The following PI4K2B variants were observed in gnomAD, a reference collection of about 807,000 sequenced individuals.
PI4K2B encodes the protein phosphatidylinositol 4-kinase type 2 beta, also known as phosphatidylinositol 4-kinase type 2-beta.
Under a neutral mutation model 56.6 loss-of-function variants are expected in PI4K2B, and 46 were observed. That is an observed-to-expected ratio of 0.81 (90% confidence interval 0.64 to 1.04). The LOEUF is 1.04. Among genes scored for constraint, PI4K2B ranks in the 50% least tolerant of loss-of-function variants. The pLI is 0.00. For synonymous variants in PI4K2B, 211 were observed against 223.8 expected, an observed-to-expected ratio of 0.94 and a Z score of 0.51; for missense variants, 556 against 607.7, an observed-to-expected ratio of 0.91 and a Z score of 0.89.
chr4:25,263,425 A>C (rs1716550727), intron 6 of PI4K2B, among the ~76,000 whole-genome samples: 2 of 152,294 alleles, frequency 1.3e-5, no homozygotes, highest in Non-Finnish European at 2.9e-5. Context: ...CATACATTTA[A>C]GCAATGAATC....
intron 1 of PI4K2B, among the ~76,000 whole-genome samples, chr4:25,240,915 CTCTG>C (rs1177062891): frequency 6.6e-6 from 1 of 152,164 alleles, no homozygotes; most frequent in Non-Finnish European, 1.5e-5. Flanking sequence ...GTCTCTTCCT[CTCTG>C]TCTCTTTCTT....
chr4:25,242,988 C>T (rs1024209588), intron 1 of PI4K2B, among the ~76,000 whole-genome samples: 3 of 152,218 alleles, frequency 2.0e-5, no homozygotes, highest in African/African-American at 7.2e-5. Context: ...GTGAAAAGAG[C>T]AAAGTCTCCC....
intron 8 of PI4K2B, among the ~76,000 whole-genome samples, 198 bp from the exon 9 acceptor site, chr4:25,268,946 G>A (rs1459409374): frequency 2.6e-5 from 4 of 152,080 alleles, no homozygotes; most frequent in Non-Finnish European, 4.4e-5. Context: ...ACAAGTTCAG[G>A]TCCAAATAAA....
intron 7 of PI4K2B, among the ~76,000 whole-genome samples, chr4:25,264,109 T>TA (rs1447016868): frequency 2.0e-5 from 3 of 152,318 alleles, no homozygotes; most frequent in South Asian, 2.1e-4. Context: ...TTCCAGTTTT[T>TA]AAAAAATATA....
chr4:25,234,561 C>A (rs111469842), intron 1 of PI4K2B, 130 bp downstream of exon 1: 33 of 623,598 alleles, frequency 5.3e-5, no homozygotes, highest in South Asian at 8.1e-5. Context: ...CAGCAGCTCC[C>A]GAGCTCGGAC....
intron 7 of PI4K2B, among the ~76,000 whole-genome samples, chr4:25,265,198 C>CAAAAAAAAAAAAAAAAAAAA (rs71188933): frequency 2.0e-4 from 13 of 65,400 alleles, no homozygotes; most frequent in Admixed American, 2.5e-4. Context: ...TCTGTCTCAC[C>CAAAAAAAAAAAAAAAAAAAA]AAAAAAAAAA....
At chr4:25,235,888 C>A (rs1333733636) in intron 1 of PI4K2B, among the ~76,000 whole-genome samples, 1 of 152,050 alleles carries the variant, frequency 6.6e-6, no homozygotes, top group Non-Finnish European at 1.5e-5. Context: ...AGATGGCAGG[C>A]CTGTAATCCC....
At chr4:25,266,062 A>T in intron 7 of PI4K2B, among the ~76,000 whole-genome samples, 1 of 148,328 alleles carries the variant, frequency 6.7e-6, no homozygotes, top group Non-Finnish European at 1.5e-5. Context: ...AATATGTCCC[A>T]CTTTGTGTAT....
chr4:25,252,642 G>T (rs966781788), intron 2 of PI4K2B, among the ~76,000 whole-genome samples, 167 bp downstream of exon 2: 2 of 151,806 alleles, frequency 1.3e-5, no homozygotes, highest in South Asian at 2.1e-4. Context: ...GCCCGGGGTC[G>T]CCCTCTCTTA....
chr4:25,257,309 G>A (rs55840582), intron 4 of PI4K2B, among the ~76,000 whole-genome samples: 2 of 151,610 alleles, frequency 1.3e-5, no homozygotes, highest in South Asian at 2.1e-4. Context: ...CAATCCTCTC[G>A]CTTTGGCCTC....
intron 9 of PI4K2B, among the ~76,000 whole-genome samples, chr4:25,272,333 G>A (rs1041626597): frequency 6.6e-6 from 1 of 152,166 alleles, no homozygotes; most frequent in African/African-American, 2.4e-5. Context: ...CAACTTAGGA[G>A]AGAAAGAAAT....
chr4:25,240,125 G>A (rs1340526507), intron 1 of PI4K2B, among the ~76,000 whole-genome samples: 1 of 152,180 alleles, frequency 6.6e-6, no homozygotes, highest in East Asian at 1.9e-4. Flanking sequence ...ACCTAGAAAG[G>A]GGAGAAGTCA....
In PI4K2B at chr4:25,241,017, T is replaced by C. The variant is rs190660685; in HGVS notation, c.268+6586T>C. ...TGTTCTCCCCTCTTCTTCCCCTTTT[T>C]GATGGCTTTGGCAGTGTAAGACTGC... On this transcript the variant is annotated intron_variant, in intron 1 of 9. Transcript: ENST00000264864. Among the ~76,000 whole-genome samples the C allele has an allele frequency of 3.9e-4, 59 of 152,352 alleles. No individual in the cohort carries two copies. In the East Asian group the frequency reaches 0.011, roughly 27 times the overall value.
At chr4:25,236,260 T>G (rs1212833394) in intron 1 of PI4K2B, among the ~76,000 whole-genome samples, 1 of 148,728 alleles carries the variant, frequency 6.7e-6, no homozygotes, top group Admixed American at 6.7e-5. Flanking sequence ...TAAATAAATT[T>G]TATTCTCTGT....
chr4:25,259,000 G>T, intron 4 of PI4K2B, 37 bp from the exon 5 acceptor site: 1 of 1,103,650 alleles, frequency 9.1e-7, no homozygotes, highest in Non-Finnish European at 1.3e-6. Flanking sequence ...CCTTGTTCTT[G>T]TACTTTCTTT....
At chr4:25,249,254 C>G (rs1356524663) in intron 1 of PI4K2B, among the ~76,000 whole-genome samples, 1 of 152,166 alleles carries the variant, frequency 6.6e-6, no homozygotes, top group Non-Finnish European at 1.5e-5. Flanking sequence ...CTTTCTTTTC[C>G]CCACATTTCC....
intron 9 of PI4K2B, among the ~76,000 whole-genome samples, chr4:25,273,649 G>C (rs1489014096): frequency 2.0e-5 from 3 of 152,200 alleles, no homozygotes; most frequent in Non-Finnish European, 1.5e-5. Context: ...CATTGCCTCT[G>C]CCCGGGGCCC....
chr4:25,258,684 G>T (rs993865838), intron 4 of PI4K2B, among the ~76,000 whole-genome samples: 3 of 151,888 alleles, frequency 2.0e-5, no homozygotes, highest in African/African-American at 7.3e-5. Flanking sequence ...TTAAAATTTG[G>T]CCTCCATAAT....
In PI4K2B at chr4:25,275,453, T is replaced by C. The variant is rs761779351; in HGVS notation, c.1273-1561T>C. Among the ~76,000 whole-genome samples the C allele has an allele frequency of 3.4e-4, 51 of 152,074 alleles. 1 individual carries two copies. The highest frequency in any genetic ancestry group is 6.6e-4 in the Non-Finnish European group (45 of 67,946). On this transcript the variant is annotated intron_variant, in intron 9 of 9. Coordinates refer to ENST00000264864, the MANE Select transcript of PI4K2B (RefSeq NM_018323.4). ...CTGAGACAGGTGGATCTCTCGAGCC[T>C]AGGAGTTCAAGACCAGTCTGGGCAA...
Sources: allele counts gnomAD v4.1 joint callset (sites outside exome capture counted in the v4.1 genomes callset), GRCh38; gene constraint gnomAD v4.1.1; transcripts MANE v1.5; gene names NCBI Gene and HGNC (gene_info 2026-07-23, HGNC 2026-07-21).